PALLD: variants seen among roughly 807,000 people sequenced by gnomAD.
PALLD encodes palladin, cytoskeletal associated protein.
In PALLD, 61 loss-of-function variants were observed where a neutral mutation model predicts 123.5. The observed-to-expected ratio is 0.49, with a 90% CI of 0.40 to 0.61. The LOEUF (loss-of-function observed/expected upper bound fraction) is 0.61. Ranked by LOEUF, PALLD falls within the 20% of genes least tolerant of loss-of-function variation. The pLI is 0.00. For missense variants in PALLD, 1,273 were observed against 1,377.0 expected, an observed-to-expected ratio of 0.92 and a Z score of 1.20; for synonymous variants, 465 against 496.4, an observed-to-expected ratio of 0.94 and a Z score of 0.84.
rs767777801 is a variant in PALLD, at chr4:168,850,523, C to CTTTTTTTTTTTTT, written c.1965-40383_1965-40371dup. On this transcript the variant is annotated intron_variant, in intron 10 of 21. Transcript: ENST00000505667. ...TATATAATTTGTAAGTCTGTCATTTCTTTTTTTTTTTTTTTTTTTTTTTTT... is the reference window on the plus strand; with the variant it reads ...TATATAATTTGTAAGTCTGTCATTTCTTTTTTTTTTTTTTTTTTTTTTTTTTTTTTTTTTTTTT... Among the ~76,000 whole-genome samples, 18 of 34,712 alleles carry CTTTTTTTTTTTTT rather than the reference C, an allele frequency of 5.2e-4. 3 individuals carry two copies. The highest frequency in any genetic ancestry group is 1.7e-3 in the African/African-American group (13 of 7,554). 22.8% of individuals were successfully genotyped at this position (34,712 alleles called of 152,430 possible). A position where few individuals can be genotyped will look rare whatever the true frequency, so the allele number is the denominator to read the frequency against.
intron 1 of PALLD, among the ~76,000 whole-genome samples, chr4:168,509,710 G>T (rs1322197953): frequency 2.0e-5 from 3 of 152,170 alleles, no homozygotes; most frequent in Non-Finnish European, 2.9e-5. Flanking sequence ...CTAGCATGTG[G>T]TGAATCTAAT....
intron 3 of PALLD, among the ~76,000 whole-genome samples, chr4:168,676,329 AT>A (rs1780827944): frequency 6.6e-6 from 1 of 151,998 alleles, no homozygotes; most frequent in Non-Finnish European, 1.5e-5. Context: ...TCTGTAAATG[AT>A]TCTTGCTGTA....
chr4:168,831,092 TTGTTGTGACATGG>T (rs1744141308), intron 10 of PALLD, among the ~76,000 whole-genome samples: 1 of 152,208 alleles, frequency 6.6e-6, no homozygotes, highest in African/African-American at 2.4e-5. Flanking sequence ...AAGACAGAAA[TTGTTGTGACATGG>T]TGTGCCAACC....
chr4:168,729,509 C>T (rs1262416479), intron 10 of PALLD, among the ~76,000 whole-genome samples: 2 of 152,044 alleles, frequency 1.3e-5, no homozygotes, highest in Admixed American at 6.6e-5. Flanking sequence ...TTTTCCTGCT[C>T]CAAAAGTAGT....
Position 168,823,762 on chromosome 4 carries a change from G to T in PALLD, c.1965-67160G>T, listed in dbSNP as rs536611288. 2.6e-5 allele frequency among the ~76,000 whole-genome samples: 4 copies of T among 152,308 alleles called. No homozygotes were observed. In the East Asian group the frequency reaches 5.8e-4, roughly 22 times the overall value. Reference sequence around the variant, plus strand: ...TTTGTGTCCACTGTGCTCTGCCAGGGCTGCTTATGTAGGGGCCTTCGTTCA... The same window carrying T: ...TTTGTGTCCACTGTGCTCTGCCAGGTCTGCTTATGTAGGGGCCTTCGTTCA... On this transcript the variant is annotated intron_variant, in intron 10 of 21. Transcript: ENST00000505667.
Position 168,878,123 on chromosome 4 carries a change from G to A in PALLD, c.1965-12799G>A. ...CGCGCAGCCCTTCGGCGCTGAGCCC[G>A]AGGCCCCGTGGGGCTCCTCCTCGCC... On this transcript the variant is annotated intron_variant, in intron 10 of 21. Transcript: ENST00000505667. 6.8e-7 allele frequency: 1 copy of A among 1,475,178 alleles called. No homozygotes were observed. Among genetic ancestry groups the A allele is most frequent in the Non-Finnish European group, 8.9e-7 (1 of 1,120,776 alleles). 91.4% of individuals were successfully genotyped at this position (1,475,178 alleles called of 1,614,324 possible).
chr4:168,574,973 A>G (rs755360782), intron 2 of PALLD, among the ~76,000 whole-genome samples: 7 of 152,194 alleles, frequency 4.6e-5, no homozygotes, highest in Non-Finnish European at 1.0e-4. Context: ...TCTTTTCCCA[A>G]TTGTTCTATC....
chr4:168,594,854 C>G (rs1157994428), intron 2 of PALLD, among the ~76,000 whole-genome samples: 1 of 152,004 alleles, frequency 6.6e-6, no homozygotes, highest in East Asian at 1.9e-4. Flanking sequence ...AATAATAGAT[C>G]AAGAACAAGG....
intron 2 of PALLD, among the ~76,000 whole-genome samples, chr4:168,564,341 C>T (rs1003879472): frequency 6.6e-6 from 1 of 152,094 alleles, no homozygotes; most frequent in South Asian, 2.1e-4. Context: ...CCTACCATGA[C>T]GTTAGCATTT....
intron 2 of PALLD, among the ~76,000 whole-genome samples, chr4:168,541,566 T>A (rs1765619912): frequency 6.6e-6 from 1 of 152,156 alleles, no homozygotes; most frequent in African/African-American, 2.4e-5. Flanking sequence ...TTCTCCTGCC[T>A]CAGCCTCCTG....
chr4:168,794,244 T>C (rs1283135392), intron 10 of PALLD, among the ~76,000 whole-genome samples: 1 of 152,156 alleles, frequency 6.6e-6, no homozygotes, highest in Non-Finnish European at 1.5e-5. Flanking sequence ...AACTCCTGCA[T>C]GCCCTATGGC....
intron 10 of PALLD, among the ~76,000 whole-genome samples, chr4:168,737,245 C>T (rs144930167): frequency 2.2e-4 from 33 of 152,320 alleles, no homozygotes; most frequent in African/African-American, 7.2e-4. Context: ...ATGCTCACAT[C>T]CCTTAAGATA....
intron 10 of PALLD, among the ~76,000 whole-genome samples, chr4:168,761,664 T>TTTTTTTTTTTTTTTTTTTTTTG (rs1732939820): frequency 1.3e-5 from 1 of 75,748 alleles, no homozygotes; most frequent in Non-Finnish European, 3.1e-5. Flanking sequence ...TTTTTTTTTT[T>TTTTTTTTTTTTTTTTTTTTTTG]TTTTTTTTTT....
At chr4:168,687,441 G>C (rs1048608207) in intron 6 of PALLD, among the ~76,000 whole-genome samples, 2 of 152,224 alleles carry the variant, frequency 1.3e-5, no homozygotes, top group African/African-American at 4.8e-5. Flanking sequence ...TGTAGTTTAA[G>C]AGTTTTGCAC....
intron 8 of PALLD, among the ~76,000 whole-genome samples, chr4:168,704,039 G>A (rs929863240): frequency 1.1e-4 from 16 of 152,034 alleles, no homozygotes; most frequent in Non-Finnish European, 2.1e-4. Flanking sequence ...ACAGATATAT[G>A]GATCAATGGA....
intron 10 of PALLD, among the ~76,000 whole-genome samples, chr4:168,762,699 C>A (rs1428409184): frequency 2.6e-5 from 4 of 152,184 alleles, no homozygotes; most frequent in Non-Finnish European, 5.9e-5. Flanking sequence ...GATTATAAAT[C>A]ATTTTACTAT....
At chr4:168,813,546 C>T (rs1741473436) in intron 10 of PALLD, among the ~76,000 whole-genome samples, 1 of 152,200 alleles carries the variant, frequency 6.6e-6, no homozygotes. Flanking sequence ...CAGCCTCAAA[C>T]TCCTGGACTC....
chr4:168,539,270 C>T (rs1765376229), intron 2 of PALLD, among the ~76,000 whole-genome samples: 1 of 152,072 alleles, frequency 6.6e-6, no homozygotes, highest in African/African-American at 2.4e-5. Flanking sequence ...TTTCAGACCC[C>T]ACGTCAAGGG....
chr4:168,905,246 G>A (rs927073298), intron 15 of PALLD, among the ~76,000 whole-genome samples: 6 of 138,366 alleles, frequency 4.3e-5, no homozygotes, highest in South Asian at 2.5e-4. Flanking sequence ...CGCCTCCTGC[G>A]TTCACACCAT....
Sources: allele counts gnomAD v4.1 joint callset (sites outside exome capture counted in the v4.1 genomes callset), GRCh38; gene constraint gnomAD v4.1.1; transcripts MANE v1.5; gene names NCBI Gene and HGNC (gene_info 2026-07-23, HGNC 2026-07-21).